Variants in GSTCD observed in about 807,000 individuals in gnomAD.
GSTCD encodes glutathione S-transferase C-terminal domain containing, also known as glutathione S-transferase C-terminal domain-containing protein.
A neutral mutation model predicts 68.3 loss-of-function variants in GSTCD; 44 were observed. The ratio of observed to expected loss-of-function variants is 0.64; its 90% CI spans 0.51 to 0.83. The LOEUF is 0.83. Among genes scored for constraint, GSTCD ranks in the 40% least tolerant of loss-of-function variants. The pLI, the probability that GSTCD is intolerant of heterozygous loss-of-function variation, is 0.00. For missense variants in GSTCD, 739 were observed against 735.9 expected, an observed-to-expected ratio of 1.00 and a Z score of -0.05; for synonymous variants, 273 against 255.2, an observed-to-expected ratio of 1.07 and a Z score of -0.67.
intron 7 of GSTCD, among the ~76,000 whole-genome samples, chr4:105,824,523 C>G (rs1326940818): frequency 6.6e-6 from 1 of 152,106 alleles, no homozygotes; most frequent in Non-Finnish European, 1.5e-5. Context: ...TTTTTTCTTA[C>G]AGACAAGCAT....
chr4:105,715,525 A>G (rs1279902184), intron 1 of GSTCD, among the ~76,000 whole-genome samples: 1 of 152,012 alleles, frequency 6.6e-6, no homozygotes, highest in Non-Finnish European at 1.5e-5. Flanking sequence ...GAAGAAATAT[A>G]AAATAAAGCA....
intron 5 of GSTCD, among the ~76,000 whole-genome samples, chr4:105,756,524 ACACG>A (rs1476859595): frequency 1.2e-3 from 181 of 148,624 alleles, no homozygotes; most frequent in African/African-American, 3.9e-3. Context: ...ACACACACAC[ACACG>A]TATATACATA....
At chr4:105,765,704 T>C (rs116742539) in intron 5 of GSTCD, among the ~76,000 whole-genome samples, 1,559 of 152,282 alleles carry the variant, frequency 0.01, 31 homozygotes, top group African/African-American at 0.035. Flanking sequence ...AATCCCCACA[T>C]GTTGCGGGAG....
intron 5 of GSTCD, among the ~76,000 whole-genome samples, chr4:105,762,653 T>C (rs948486002): frequency 6.6e-6 from 1 of 152,202 alleles, no homozygotes; most frequent in African/African-American, 2.4e-5. Flanking sequence ...CTGGTTTCTA[T>C]TGATGAACTT....
intron 5 of GSTCD, among the ~76,000 whole-genome samples, chr4:105,784,304 G>A (rs1352543340): frequency 6.6e-6 from 1 of 152,208 alleles, no homozygotes; most frequent in African/African-American, 2.4e-5. Context: ...AGCATCTGGT[G>A]AGGGTCATCC....
intron 5 of GSTCD, among the ~76,000 whole-genome samples, chr4:105,796,077 A>G (rs773282309): frequency 7.9e-5 from 12 of 152,174 alleles, no homozygotes; most frequent in Admixed American, 1.3e-4. Flanking sequence ...CATACCCGAG[A>G]CTGGATAATT....
intron 10 of GSTCD, 69 bp from the exon 11 acceptor site, chr4:105,841,996 G>C (rs1437373137): frequency 8.8e-7 from 1 of 1,138,680 alleles, no homozygotes; most frequent in Non-Finnish European, 1.3e-6. Context: ...TAGTTTTTTT[G>C]GTGGTTGTTT....
At chr4:105,834,648 C>G in intron 9 of GSTCD, 54 bp downstream of exon 9, 3 of 1,511,922 alleles carry the variant, frequency 2.0e-6, no homozygotes, top group South Asian at 2.5e-5. Context: ...AGCCAGGACA[C>G]AAAACTTGTT....
intron 5 of GSTCD, among the ~76,000 whole-genome samples, chr4:105,745,893 C>T (rs1733785352): frequency 6.6e-6 from 1 of 152,058 alleles, no homozygotes; most frequent in South Asian, 2.1e-4. Flanking sequence ...AAATATGGCC[C>T]CATTAAATGT....
intron 5 of GSTCD, among the ~76,000 whole-genome samples, chr4:105,776,736 C>T (rs1735081797): frequency 6.6e-6 from 1 of 152,226 alleles, no homozygotes; most frequent in South Asian, 2.1e-4. Context: ...CATCCACCTT[C>T]TGCATTGATC....
chr4:105,845,216 TTTAAA>T (rs1724501480), intron 11 of GSTCD, among the ~76,000 whole-genome samples: 3 of 152,224 alleles, frequency 2.0e-5, no homozygotes, highest in Admixed American at 6.5e-5. Context: ...GTTAACATTC[TTTAAA>T]TTATTAGCAG....
Position 105,729,509 on chromosome 4 carries a change from C to A in GSTCD, c.1240+10C>A. 1 of 1,584,658 alleles carries A rather than the reference C, an allele frequency of 6.3e-7. No individual in the cohort carries two copies. On this transcript the variant is annotated intron_variant, in intron 5 of 11. Coordinates refer to ENST00000515279, the MANE Select transcript of GSTCD (RefSeq NM_001370181.1). ...GTCAGCCCAAAGGAAGGTGAGTTTT[C>A]TTTTTTCTTTAAGTTTTATTCATAC...
At chr4:105,735,400 G>A (rs886641436) in intron 5 of GSTCD, among the ~76,000 whole-genome samples, 2 of 152,214 alleles carry the variant, frequency 1.3e-5, no homozygotes, top group African/African-American at 2.4e-5. Flanking sequence ...CAGCCTCGCT[G>A]CTGCCTTGCA....
intron 5 of GSTCD, among the ~76,000 whole-genome samples, chr4:105,732,454 T>G (rs1177584551): frequency 6.6e-6 from 1 of 152,210 alleles, no homozygotes; most frequent in East Asian, 1.9e-4. Context: ...GTCCATTTCT[T>G]CTAGATTTTC....
intron 5 of GSTCD, among the ~76,000 whole-genome samples, chr4:105,752,642 T>C (rs1003272199): frequency 8.6e-5 from 13 of 151,938 alleles, no homozygotes; most frequent in Non-Finnish European, 1.0e-4. Flanking sequence ...TCAAGGAGAT[T>C]TGGGTTTGGT....
intron 5 of GSTCD, among the ~76,000 whole-genome samples, chr4:105,738,556 T>G (rs1733534199): frequency 6.6e-6 from 1 of 152,226 alleles, no homozygotes; most frequent in Non-Finnish European, 1.5e-5. Context: ...CTTCAATTTC[T>G]TTTATCAGTG....
chr4:105,720,077 G>T (rs1439110795), intron 3 of GSTCD, among the ~76,000 whole-genome samples: 1 of 152,134 alleles, frequency 6.6e-6, no homozygotes, highest in African/African-American at 2.4e-5. Context: ...TGTTCTCTCT[G>T]AGAGTAAAGT....
intron 9 of GSTCD, among the ~76,000 whole-genome samples, chr4:105,836,584 G>A (rs544179413): frequency 6.6e-6 from 1 of 152,138 alleles, no homozygotes; most frequent in East Asian, 1.9e-4. Flanking sequence ...TACCCCCTTG[G>A]TGTCCATCTC....
At chr4:105,743,149 A>C (rs1733687933) in intron 5 of GSTCD, among the ~76,000 whole-genome samples, 1 of 151,822 alleles carries the variant, frequency 6.6e-6, no homozygotes, top group Non-Finnish European at 1.5e-5. Context: ...ACGGGGTTTC[A>C]CCATGTTAGC....
Sources: gnomAD v4.1 joint callset for allele counts (sites outside exome capture counted in the v4.1 genomes callset) on GRCh38, gnomAD v4.1.1 for gene constraint, MANE v1.5 for transcripts, NCBI Gene and HGNC (gene_info 2026-07-23, HGNC 2026-07-21) for gene names.